The following FUT8 variants were observed in gnomAD, a reference collection of about 807,000 sequenced individuals.
FUT8 encodes the protein fucosyltransferase 8, also known as alpha-(1,6)-fucosyltransferase.
In FUT8, 29 loss-of-function variants were observed where a neutral mutation model predicts 71.3. The observed-to-expected ratio is 0.41, with a 90% CI of 0.30 to 0.55. FUT8 has a LOEUF of 0.55. Ranked by LOEUF, FUT8 falls within the 20% of genes least tolerant of loss-of-function variation. The pLI is 0.34. For missense variants in FUT8, 544 were observed against 702.1 expected (o/e 0.77, Z 2.55); for synonymous variants, 254 against 239.3 (o/e 1.06, Z -0.57).
chr14:65,655,435 C>T (rs1046992748), intron 6 of FUT8, among the ~76,000 whole-genome samples: 4 of 148,650 alleles, frequency 2.7e-5, no homozygotes, highest in Admixed American at 6.7e-5. Flanking sequence ...GAGATCACGC[C>T]GCTGCACTTT....
At chr14:65,597,486 G>A (rs1354323395) in intron 3 of FUT8, among the ~76,000 whole-genome samples, 6 of 152,142 alleles carry the variant, frequency 3.9e-5, no homozygotes, top group Non-Finnish European at 8.8e-5. Context: ...AGCCGGGCAT[G>A]GTGGTGGGCA....
At position 65,439,970 on chromosome 14, in the gene FUT8, A is replaced by ACG. The variant is rs1566748227; in HGVS notation, c.-325-15651_-325-15650insCG. 7.6e-4 allele frequency among the ~76,000 whole-genome samples: 102 copies of ACG among 134,480 alleles called. 7 individuals carry two copies. Among genetic ancestry groups the ACG allele is most frequent in the Non-Finnish European group, 1.2e-3 (74 of 62,228 alleles). 88.2% of individuals were successfully genotyped at this position (134,480 alleles called of 152,430 possible). On this transcript the variant is annotated intron_variant, in intron 1 of 10. Transcript: ENST00000673929. ...TGTGTGTGTGTATATATATATATAT[A>ACG]TATATATATATATATATATATGTAC...
At chr14:65,388,056 G>A in the FUT8 span, among the ~76,000 whole-genome samples, 1 of 152,110 alleles carries the variant, frequency 6.6e-6, no homozygotes, top group Non-Finnish European at 1.5e-5. Flanking sequence ...GTTCTTCTCT[G>A]CCTCTTAAAT....
In FUT8 at chr14:65,669,239, A is replaced by G. The variant is rs1892363186; in HGVS notation, c.598-4A>G. On this transcript the variant is annotated splice_polypyrimidine_tract_variant and splice_region_variant and intron_variant, in intron 6 of 10. Transcript: ENST00000673929. This position sits in a 1 kb window ranked among gnomAD's most constrained non-coding sequence, Gnocchi z 4.5. ...TTATTTTCATTTCTCTTTCTCCCTG[A>G]CAGAATCCCAAGGACTGCAGCAAAG... 1 of 1,608,886 alleles carries G rather than the reference A, an allele frequency of 6.2e-7. No individual in the cohort carries two copies. The highest frequency in any genetic ancestry group is 1.3e-5 in the African/African-American group (1 of 74,680).
chr14:65,363,524 C>G, the FUT8 span, among the ~76,000 whole-genome samples: 2 of 152,034 alleles, frequency 1.3e-5, no homozygotes, highest in African/African-American at 2.4e-5. Context: ...TCCAAAGTGC[C>G]GAGATTACAG....
At chr14:65,715,019 G>A (rs966290990) in intron 7 of FUT8, among the ~76,000 whole-genome samples, 1 of 152,046 alleles carries the variant, frequency 6.6e-6, no homozygotes, top group Non-Finnish European at 1.5e-5. Flanking sequence ...CATATCATGT[G>A]CAAACAACAA....
At chr14:65,713,491 G>A (rs1468331934) in intron 7 of FUT8, among the ~76,000 whole-genome samples, 6 of 152,150 alleles carry the variant, frequency 3.9e-5, no homozygotes, top group Non-Finnish European at 7.3e-5. Context: ...GTTCTCTGTA[G>A]TGGTTGTACT....
intron 2 of FUT8, chr14:65,479,692 C>T (rs1475603841): frequency 1.3e-5 from 2 of 151,566 alleles, no homozygotes; most frequent in African/African-American, 2.4e-5. Context: ...GATCTCTGTT[C>T]TTCCACATAT....
chr14:65,627,805 A>G lies in FUT8; in HGVS notation c.483-1687A>G, dbSNP rs1230789731. On this transcript the variant is annotated intron_variant, in intron 5 of 10. Transcript: ENST00000673929. This position sits in a 1 kb window ranked among gnomAD's most constrained non-coding sequence, Gnocchi z 4.0. ...TGATGACCAGCTTCAGTTGTTTTCT[A>G]TCTATTTAGGAGACTGCCGTTCCCT... Among the ~76,000 whole-genome samples the G allele has an allele frequency of 2.6e-5, 4 of 152,304 alleles. No homozygotes were observed. The East Asian group carries it at 5.8e-4, about 22-fold the overall frequency.
chr14:65,532,921 C>G (rs2139920750), intron 2 of FUT8, among the ~76,000 whole-genome samples: 1 of 152,148 alleles, frequency 6.6e-6, no homozygotes, highest in East Asian at 1.9e-4. Context: ...TTTTTGTAGG[C>G]TTTGTTGAAG....
rs117003395 is a variant in FUT8 at position 65,488,501 on chromosome 14, C to T, written c.-228+32783C>T. ...CTGGTTTCTAGCAGCTGCTGCTTAA[C>T]GCTGTTCATTCTTGAGTTTGGTGAA... On this transcript the variant is annotated intron_variant, in intron 2 of 10. Coordinates refer to ENST00000673929, the MANE Select transcript of FUT8 (RefSeq NM_001371533.1). 6.6e-5 allele frequency: 10 copies of T among 152,306 alleles called. No homozygotes were observed. The East Asian group carries it at 7.7e-4, about 12-fold the overall frequency. The allele number at this position is 152,306 out of a possible 1,614,324, so 9.4% of individuals were successfully genotyped here. A position where few individuals can be genotyped will look rare whatever the true frequency, so the allele number is the denominator to read the frequency against.
intron 3 of FUT8, among the ~76,000 whole-genome samples, chr14:65,614,131 T>C (rs1200553320): frequency 2.8e-5 from 4 of 143,088 alleles, no homozygotes; most frequent in Non-Finnish European, 6.1e-5. Flanking sequence ...AAAAAAAGAC[T>C]GTGTTGACAT....
At position 65,621,318 on chromosome 14, in the gene FUT8, C is replaced by T. The variant is rs146447610; in HGVS notation, c.482+4945C>T. Among the ~76,000 whole-genome samples, 882 of 151,250 alleles carry T rather than the reference C, an allele frequency of 5.8e-3. 31 individuals are homozygous for T. In the East Asian group the frequency reaches 0.094, roughly 16 times the overall value. On this transcript the variant is annotated intron_variant, in intron 5 of 10. Transcript: ENST00000673929. ...AGGCTGGAGTGCAGTGGTGTGATCT[C>T]GGCTCACTGCAAGCTCTGCCTCCCG... is the stretch of plus-strand genomic sequence containing the variant.
chr14:65,688,715 G>A (rs1324564680), intron 7 of FUT8, among the ~76,000 whole-genome samples: 1 of 152,070 alleles, frequency 6.6e-6, no homozygotes, highest in Non-Finnish European at 1.5e-5. Flanking sequence ...CAACTCACTT[G>A]GGTAAGCTGT....
chr14:65,615,583 G>T (rs898230980), intron 3 of FUT8, among the ~76,000 whole-genome samples: 1 of 152,124 alleles, frequency 6.6e-6, no homozygotes, highest in African/African-American at 2.4e-5. Context: ...CACATGTTCA[G>T]ATATGCTTCG....
At chr14:65,663,787 T>C (rs1474446991) in intron 6 of FUT8, among the ~76,000 whole-genome samples, 1 of 152,128 alleles carries the variant, frequency 6.6e-6, no homozygotes, top group Non-Finnish European at 1.5e-5. Context: ...TTGTACAGAT[T>C]GCCCTTTTAG....
rs564039439 is a variant in FUT8, at chr14:65,607,208, A to T, written c.204-8770A>T. ...TCTTACTTCTTTATCTTATTACCTC[A>T]GCTAAGGCCTTCAGTACAGTGATGA... On this transcript the variant is annotated intron_variant, in intron 3 of 10. Coordinates refer to ENST00000673929, the MANE Select transcript of FUT8 (RefSeq NM_001371533.1). The surrounding 1 kb of genome is among the most constrained non-coding windows in gnomAD (Gnocchi z 4.1). Among the ~76,000 whole-genome samples the T allele has an allele frequency of 6.6e-6, 1 of 151,986 alleles. No homozygotes were observed. Among genetic ancestry groups the T allele is most frequent in the African/African-American group, 2.4e-5 (1 of 41,540 alleles).
chr14:65,695,455 A>G (rs1014850959), intron 7 of FUT8, among the ~76,000 whole-genome samples: 4 of 152,008 alleles, frequency 2.6e-5, no homozygotes, highest in Non-Finnish European at 4.4e-5. Flanking sequence ...TCATTTTTTT[A>G]AAAACTTTTT....
chr14:65,529,843 C>G (rs576648434), intron 2 of FUT8, among the ~76,000 whole-genome samples: 1 of 152,242 alleles, frequency 6.6e-6, no homozygotes, highest in South Asian at 2.1e-4. Flanking sequence ...CATTCTTACC[C>G]TCATTTCTAA....
Sources: gnomAD v4.1 joint callset for allele counts (sites outside exome capture counted in the v4.1 genomes callset) on GRCh38, gnomAD v4.1.1 for gene constraint, Gnocchi (gnomAD v3.1) non-coding constraint, MANE v1.5 for transcripts, NCBI Gene and HGNC (gene_info 2026-07-23, HGNC 2026-07-21) for gene names.